RGS6: variants seen among roughly 807,000 people sequenced by gnomAD.
The protein encoded by RGS6 is regulator of G protein signaling 6, also known as regulator of G-protein signaling 6.
RGS6 carries 30 observed loss-of-function variants against 78.5 expected under a neutral mutation model. The ratio of observed to expected loss-of-function variants is 0.38; its 90% CI spans 0.29 to 0.52. The LOEUF is 0.52. Ranked by LOEUF, RGS6 falls within the 20% of genes least tolerant of loss-of-function variation. RGS6 has a pLI of 0.85. For synonymous variants in RGS6, 206 were observed against 206.0 expected, an observed-to-expected ratio of 1.00 and a Z score of 0.00; for missense variants, 495 against 609.7, an observed-to-expected ratio of 0.81 and a Z score of 1.98.
intron 8 of RGS6, among the ~76,000 whole-genome samples, chr14:72,471,504 G>T (rs181685824): frequency 2.0e-5 from 3 of 152,352 alleles, no homozygotes; most frequent in African/African-American, 7.2e-5. Context: ...GTGAGCAGCC[G>T]CTGAGTCTTC....
At chr14:72,485,568 T>A (rs2096472255) in intron 12 of RGS6, among the ~76,000 whole-genome samples, 1 of 152,242 alleles carries the variant, frequency 6.6e-6, no homozygotes, top group African/African-American at 2.4e-5. Flanking sequence ...CCTCTCTGGC[T>A]AGTTCTACAA....
At chr14:71,953,139 G>C (rs1262166086) in intron 1 of RGS6, among the ~76,000 whole-genome samples, 1 of 152,192 alleles carries the variant, frequency 6.6e-6, no homozygotes, top group Non-Finnish European at 1.5e-5. Flanking sequence ...CATGTGAGAA[G>C]AGAGGGAAGA....
chr14:71,892,480 A>G, the RGS6 span, among the ~76,000 whole-genome samples: 2 of 152,212 alleles, frequency 1.3e-5, no homozygotes, highest in African/African-American at 4.8e-5. Flanking sequence ...GAATGAACTG[A>G]GACTGGCAGA....
chr14:72,427,849 G>C (rs557407772), intron 3 of RGS6, among the ~76,000 whole-genome samples: 1 of 152,172 alleles, frequency 6.6e-6, no homozygotes, highest in East Asian at 1.9e-4. Context: ...TGGAGTAGTA[G>C]AGAGGACTCT....
intron 2 of RGS6, among the ~76,000 whole-genome samples, chr14:72,242,698 T>A (rs2053176840): frequency 1.3e-5 from 2 of 152,156 alleles, no homozygotes; most frequent in African/African-American, 4.8e-5. Context: ...TATATTTGTT[T>A]GGAACTAACA....
At chr14:72,436,832 T>C (rs3784045) in intron 3 of RGS6, among the ~76,000 whole-genome samples, 46,936 of 152,024 alleles carry the variant, frequency 0.31, 8,339 homozygotes, top group East Asian at 0.64. Context: ...ATCATTGATT[T>C]AGCAACACTC....
rs563643753 is a variant in RGS6 at position 72,421,043 on chromosome 14, C to T, written c.185-33485C>T. 3 of 151,908 alleles carry T rather than the reference C, an allele frequency of 2.0e-5. No individual in the cohort carries two copies. In the South Asian group the frequency reaches 6.2e-4, roughly 32 times the overall value. 9.4% of individuals were successfully genotyped at this position (151,908 alleles called of 1,614,324 possible). On this transcript the variant is annotated intron_variant, in intron 3 of 17. Coordinates refer to ENST00000553525, the MANE Select transcript of RGS6 (RefSeq NM_001204424.2). The stretch of plus-strand genomic sequence containing the variant: ...CCGGTTCATGCCCAAATCACTTCTG[C>T]TTTCAGCCAACAGACTGTTTCTGCC...
chr14:71,869,727 A>G, the RGS6 span, among the ~76,000 whole-genome samples: 2 of 152,198 alleles, frequency 1.3e-5, no homozygotes, highest in Non-Finnish European at 2.9e-5. Flanking sequence ...TATAGTTGCC[A>G]TGGTTTGAAT....
intron 2 of RGS6, among the ~76,000 whole-genome samples, chr14:72,277,583 G>A (rs766901881): frequency 3.3e-5 from 5 of 150,848 alleles, no homozygotes; most frequent in Admixed American, 3.3e-4. Context: ...GTGACAGAGA[G>A]CGACTCCATC....
chr14:72,434,446 A>C (rs574421653), intron 3 of RGS6, among the ~76,000 whole-genome samples: 1 of 152,294 alleles, frequency 6.6e-6, no homozygotes, highest in African/African-American at 2.4e-5. Context: ...GGCCTTGTCC[A>C]TGCTTCCTGA....
chr14:72,220,135 G>C (rs191204358), intron 2 of RGS6, among the ~76,000 whole-genome samples: 1 of 152,088 alleles, frequency 6.6e-6, no homozygotes, highest in Non-Finnish European at 1.5e-5. Flanking sequence ...ATTCATAATC[G>C]CTACAAAAAG....
chr14:72,006,516 C>T (rs1331556002), intron 2 of RGS6, among the ~76,000 whole-genome samples: 1 of 152,172 alleles, frequency 6.6e-6, no homozygotes, highest in East Asian at 1.9e-4. Context: ...CAGAGAGGCT[C>T]ATGTGGCAAG....
At chr14:72,544,761 C>G (rs908405037) in intron 17 of RGS6, among the ~76,000 whole-genome samples, 2 of 152,202 alleles carry the variant, frequency 1.3e-5, no homozygotes, top group African/African-American at 4.8e-5. Flanking sequence ...CTCCTTCCAT[C>G]CCCCTGTTCC....
At chr14:71,899,359 T>C in the RGS6 span, among the ~76,000 whole-genome samples, 1 of 152,228 alleles carries the variant, frequency 6.6e-6, no homozygotes, top group East Asian at 1.9e-4. Flanking sequence ...TCAGCAAATA[T>C]TTCTGTAAAC....
chr14:72,457,084 T>TAAAA lies in RGS6; in HGVS notation c.236-1165_236-1162dup, dbSNP rs747066432. On this transcript the variant is annotated intron_variant, in intron 4 of 17. Transcript: ENST00000553525. ...GGGTGACAAGAGTCAGACCTGTCTC[T>TAAAA]AAAAAAAAAAAAAAAAAAAAAAAAA... 2.5e-3 allele frequency among the ~76,000 whole-genome samples: 204 copies of TAAAA among 82,124 alleles called. 2 individuals carry two copies. In the East Asian group the frequency reaches 0.029, roughly 12 times the overall value. The allele number at this position is 82,124 out of a possible 152,430, so 53.9% of individuals were successfully genotyped here. A position where few individuals can be genotyped will look rare whatever the true frequency, so the allele number is the denominator to read the frequency against.
At chr14:71,908,847 G>A in the RGS6 span, among the ~76,000 whole-genome samples, 1 of 152,012 alleles carries the variant, frequency 6.6e-6, no homozygotes, top group African/African-American at 2.4e-5. Context: ...AGTGAGTAGC[G>A]AGGCACTCAC....
chr14:72,024,559 C>T (rs1312102574), intron 2 of RGS6, among the ~76,000 whole-genome samples: 1 of 152,156 alleles, frequency 6.6e-6, no homozygotes, highest in Non-Finnish European at 1.5e-5. Flanking sequence ...CTCTTGCACT[C>T]ACGGGTTGAA....
At chr14:72,082,631 A>G (rs1225951585) in intron 2 of RGS6, among the ~76,000 whole-genome samples, 2 of 152,258 alleles carry the variant, frequency 1.3e-5, no homozygotes, top group African/African-American at 2.4e-5. Flanking sequence ...GTTGTACCCC[A>G]TACATATATA....
At chr14:72,208,822 C>T (rs534622066) in intron 2 of RGS6, among the ~76,000 whole-genome samples, 2 of 152,322 alleles carry the variant, frequency 1.3e-5, no homozygotes, top group African/African-American at 4.8e-5. Context: ...TGATACTTTA[C>T]ATCATGTCTT....
Sources: allele counts gnomAD v4.1 joint callset (sites outside exome capture counted in the v4.1 genomes callset), GRCh38; gene constraint gnomAD v4.1.1; transcripts MANE v1.5; gene names NCBI Gene and HGNC (gene_info 2026-07-23, HGNC 2026-07-21).